Variants in ZNF433 observed in about 807,000 individuals in gnomAD.
ZNF433 encodes zinc finger protein 433.
ZNF433 carries 12 observed loss-of-function variants against 10.6 expected under a neutral mutation model. That is an observed-to-expected ratio of 1.13 (90% CI 0.72 to 1.83). The LOEUF (loss-of-function observed/expected upper bound fraction) is 1.83. Ranked by LOEUF, ZNF433 falls within the 40% of genes most tolerant of loss-of-function variation. The pLI is 0.00. For synonymous variants in ZNF433, 272 were observed against 271.3 expected (o/e 1.00, Z -0.02); for missense variants, 737 against 798.0 (o/e 0.92, Z 0.92).
rs138687857 is a variant in ZNF433, at chr19:12,016,942, A to G, written c.192-276T>C. 5.2e-3 allele frequency among the ~76,000 whole-genome samples: 785 copies of G among 152,174 alleles called. 5 individuals carry two copies. Among genetic ancestry groups the G allele is most frequent in the African/African-American group, 0.018 (766 of 41,510 alleles). ...GTATTTTAGTAGACGGGGTTTCACC[A>G]TGTTGGCCAGACTGGTCTTGAACTC... On this transcript the variant is annotated intron_variant, in intron 3 of 3. Transcript: ENST00000550507.
In ZNF433 at chr19:12,018,031, CCTTT is replaced by C. The variant is rs373805850; in HGVS notation, c.131-99_131-96del. 2.4e-4 allele frequency: 305 copies of C among 1,293,868 alleles called. 1 individual carries two copies. In the African/African-American group the frequency reaches 4.3e-3, roughly 18 times the overall value. The allele number at this position is 1,293,868 out of a possible 1,614,324, so 80.1% of individuals were successfully genotyped here. On this transcript the variant is annotated intron_variant, in intron 2 of 3. Transcript: ENST00000550507. ...TTCATGGTACACTGCAAGCATGCTT[CCTTT>C]ATTTATCAAATATTCCCTGTCCACA...
At chr19:12,028,463 TAA>T (rs1413929700) in intron 1 of ZNF433, among the ~76,000 whole-genome samples, 6 of 152,092 alleles carry the variant, frequency 3.9e-5, no homozygotes, top group Non-Finnish European at 4.4e-5. Flanking sequence ...AAGAAAACAA[TAA>T]TTATCATTCG....
chr19:12,015,991 G>A lies in ZNF433; in HGVS notation c.867C>T (p.Ser289=), dbSNP rs768447038. Residue 289 remains serine, a synonymous_variant, in exon 4 of 4, where the codon AGC becomes AGT. Transcript: ENST00000550507. The part of the protein sequence containing the change: ...YECKQCGKAF[S]SSHSFQIHER... ...CATGTATTTGAAAGGAATGGGAAGA[G>A]CTGAAGGCTTTCCCACACTGTTTAC... is the stretch of plus-strand genomic sequence containing the variant. 9.9e-6 allele frequency: 16 copies of A among 1,613,178 alleles called. No individual in the cohort carries two copies. Among genetic ancestry groups the A allele is most frequent in the Non-Finnish European group, 1.4e-5 (16 of 1,179,670 alleles).
At chr19:12,026,876 A>T (rs1337351673) in intron 1 of ZNF433, 1 of 454,008 alleles carries the variant, frequency 2.2e-6, no homozygotes, top group Admixed American at 2.4e-5. Flanking sequence ...GGTAGAAATG[A>T]TAAGAAGTAT....
chr19:12,022,305 A>C, intron 1 of ZNF433: 1 of 269,798 alleles, frequency 3.7e-6, no homozygotes, highest in Non-Finnish European at 7.8e-6. Context: ...CCCAAAAGGA[A>C]TACTTTTAAT....
At chr19:12,018,012 G>A (rs994943781) in intron 2 of ZNF433, 76 bp from the exon 3 acceptor site, 4 of 1,296,392 alleles carry the variant, frequency 3.1e-6, no homozygotes, top group Non-Finnish European at 3.2e-6. Flanking sequence ...TATGTTCATG[G>A]TACACTGCAA....
At chr19:12,026,718 T>C (rs1396684681) in intron 1 of ZNF433, 2 of 454,160 alleles carry the variant, frequency 4.4e-6, no homozygotes, top group East Asian at 6.9e-5. Flanking sequence ...GAAGATTGCA[T>C]TGCAGAACAG....
At chr19:12,033,497 C>T (rs180789930) in intron 1 of ZNF433, among the ~76,000 whole-genome samples, 16 of 140,970 alleles carry the variant, frequency 1.1e-4, no homozygotes, top group Admixed American at 2.8e-4. Flanking sequence ...CCAGCCTGGG[C>T]GACAGAGCGA....
chr19:12,031,302 AAAAAAAAACAAAAC>A (rs983238751), intron 1 of ZNF433, among the ~76,000 whole-genome samples: 11 of 139,256 alleles, frequency 7.9e-5, no homozygotes, highest in African/African-American at 3.6e-4. Flanking sequence ...CTCAAAAAAA[AAAAAAAAACAAAAC>A]AAAAAAAAAA....
At chr19:12,031,324 AAAAC>A (rs1227845678) in intron 1 of ZNF433, among the ~76,000 whole-genome samples, 2 of 149,660 alleles carry the variant, frequency 1.3e-5, no homozygotes, top group Admixed American at 6.6e-5. Context: ...AACAAAAAAA[AAAAC>A]AAAGCAGCTG....
rs1341233987 is a variant in ZNF433 at position 12,035,667 on chromosome 19, G to A, written c.-128C>T. 11 of 1,341,684 alleles carry A rather than the reference G, an allele frequency of 8.2e-6. No homozygotes were observed. The African/African-American group carries it at 1.5e-4, about 18-fold the overall frequency. 83.1% of individuals were successfully genotyped at this position (1,341,684 alleles called of 1,614,324 possible). A position where few individuals can be genotyped will look rare whatever the true frequency, so the allele number is the denominator to read the frequency against. On this transcript the variant is annotated 5_prime_UTR_variant, in exon 1 of 4. Transcript: ENST00000550507. ...TCCCAACCTCAGCTCGCCGCCTGGA[G>A]CCGGGAACCGAGGAGAGCAGGGCCT...
At chr19:12,030,233 T>A (rs1380116788) in intron 1 of ZNF433, 1 of 428,986 alleles carries the variant, frequency 2.3e-6, no homozygotes, top group Non-Finnish European at 4.6e-6. Context: ...TTTATTTTTT[T>A]ATTTTTTTGA....
In ZNF433 at chr19:12,015,303, G is replaced by T. The variant is rs749388670; in HGVS notation, c.1555C>A (p.Arg519=). ...GRSFNCSSSF[R]YHGRTHTGEK... ...CCAGTGTGAGTCCTTCCATGATATC[G>T]AAAGGAGCTCGAACAGTTGAAGGAT... Residue 519 remains arginine (R), a synonymous_variant, in exon 4 of 4, where the codon CGA becomes AGA. Coordinates refer to ENST00000550507, the MANE Select transcript of ZNF433 (RefSeq NM_001308348.2). The T allele has an allele frequency of 5.6e-6, 9 of 1,613,652 alleles. No individual in the cohort carries two copies. The highest frequency in any genetic ancestry group is 7.6e-6 in the Non-Finnish European group (9 of 1,179,988).
At position 12,018,220 on chromosome 19, in the gene ZNF433, T is replaced by C; in HGVS notation, c.76A>G (p.Lys26Glu). 2.5e-6 allele frequency: 4 copies of C among 1,613,086 alleles called. No homozygotes were observed. The South Asian group carries it at 4.4e-5, about 18-fold the overall frequency. ...TGCATCACATCTCTACAGAGATTTT[T>C]CTGGGAAGGATCCAGCAAAGCCCAC... The part of the protein sequence containing the change: ...EEWALLDPSQ[K>E]NLCRDVMQET... The change falls in exon 2 of 4, where the codon AAA (lysine) becomes GAA (glutamate). Residue 26 changes from lysine (K) to glutamate (E), a missense_variant. Transcript: ENST00000550507.
rs1357123995 is a variant in ZNF433, at chr19:12,016,650, GTC to G, written c.206_207del (p.Arg69ThrfsTer3). On this transcript the variant is annotated frameshift_variant, in exon 4 of 4. Transcript: ENST00000550507. LOFTEE classifies it low-confidence loss of function (END_TRUNC). ...LRRNLRIVGE[R>X]LFESKEGHQH... The stretch of plus-strand genomic sequence containing the variant: ...TGATGACCTTCTTTACTTTCAAAGA[GTC>G]TCTCTCCCACAATTCTGTGAACAAT... The G allele has an allele frequency of 8.7e-6, 14 of 1,613,792 alleles. No homozygotes were observed. Among genetic ancestry groups the G allele is most frequent in the African/African-American group, 1.3e-5 (1 of 75,030 alleles).
At chr19:12,022,198 C>T in intron 1 of ZNF433, 1 of 363,534 alleles carries the variant, frequency 2.8e-6, no homozygotes, top group Non-Finnish European at 5.7e-6. Flanking sequence ...TCCTAAACCA[C>T]AAACAATAGC....
intron 1 of ZNF433, among the ~76,000 whole-genome samples, chr19:12,034,267 G>A (rs1256957121): frequency 6.6e-6 from 1 of 152,102 alleles, no homozygotes; most frequent in Non-Finnish European, 1.5e-5. Flanking sequence ...TCCACTGTAT[G>A]GTCTGTGAAA....
At chr19:12,017,530 A>G (rs1200892762) in intron 3 of ZNF433, among the ~76,000 whole-genome samples, 3 of 151,584 alleles carry the variant, frequency 2.0e-5, no homozygotes, top group South Asian at 2.1e-4. Context: ...AAAGTAAACT[A>G]TTTTACAAAT....
intron 1 of ZNF433, among the ~76,000 whole-genome samples, chr19:12,029,152 C>A (rs1974880224): frequency 6.6e-6 from 1 of 152,048 alleles, no homozygotes; most frequent in Non-Finnish European, 1.5e-5. Context: ...CCATGAAATG[C>A]ATAGGCAGGT....
Sources: allele counts gnomAD v4.1 joint callset (sites outside exome capture counted in the v4.1 genomes callset), GRCh38; gene constraint gnomAD v4.1.1; transcripts MANE v1.5; gene names NCBI Gene and HGNC (gene_info 2026-07-23, HGNC 2026-07-21).